Variants in ADAM23 observed in about 807,000 individuals in gnomAD.
The protein encoded by ADAM23 is disintegrin and metalloproteinase domain-containing protein 23.
In ADAM23, 33 loss-of-function variants were observed where a neutral mutation model predicts 120.1. That is an observed-to-expected ratio of 0.27 (90% CI 0.21 to 0.37). ADAM23 has a LOEUF of 0.37. Among genes scored for constraint, ADAM23 ranks in the 10% least tolerant of loss-of-function variants. The pLI is 1.00. For synonymous variants in ADAM23, 367 were observed against 375.2 expected, an observed-to-expected ratio of 0.98 and a Z score of 0.25; for missense variants, 862 against 1,058.2, an observed-to-expected ratio of 0.81 and a Z score of 2.57.
At chr2:206,515,067 G>A (rs1696701859) in intron 3 of ADAM23, among the ~76,000 whole-genome samples, 1 of 152,150 alleles carries the variant, frequency 6.6e-6, no homozygotes, top group Non-Finnish European at 1.5e-5. Flanking sequence ...AGGTATGCCT[G>A]TATCTCAGTA....
At chr2:206,467,762 AG>A (rs1185616010) in intron 2 of ADAM23, among the ~76,000 whole-genome samples, 1 of 152,168 alleles carries the variant, frequency 6.6e-6, no homozygotes, top group Non-Finnish European at 1.5e-5. Context: ...CTTCCCTACT[AG>A]AGGTTCTCCA....
At position 206,478,332 on chromosome 2, in the gene ADAM23, T is replaced by C. The variant is rs59216372; in HGVS notation, c.433-2900T>C. ...ATGAATATGGTGAGGAAATCTTAAA[T>C]CATTTTATAGAAAATGTGCTTCCTC... On this transcript the variant is annotated intron_variant, in intron 2 of 25. Transcript: ENST00000264377. Among the ~76,000 whole-genome samples, 1,007 of 152,262 alleles carry C rather than the reference T, an allele frequency of 6.6e-3. 8 individuals are homozygous for C. The highest frequency in any genetic ancestry group is 0.023 in the African/African-American group (954 of 41,568).
chr2:206,543,228 C>T, intron 5 of ADAM23, 25 bp from the exon 6 acceptor site: 6 of 1,609,876 alleles, frequency 3.7e-6, no homozygotes, highest in Non-Finnish European at 5.1e-6. Context: ...TTATTCCCTC[C>T]TTTGTGTGGT....
Position 206,617,808 on chromosome 2 carries a change from C to G in ADAM23, c.*181C>G. On this transcript the variant is annotated 3_prime_UTR_variant, in exon 26 of 26. Coordinates refer to ENST00000264377, the MANE Select transcript of ADAM23 (RefSeq NM_003812.4). The stretch of plus-strand genomic sequence containing the variant: ...AAACTGTCTCTTTTGGAAATAATGT[C>G]AAAGAACACCTTTCACCACCTGTCA... 2 of 1,304,956 alleles carry G rather than the reference C, an allele frequency of 1.5e-6. No homozygotes were observed. The highest frequency in any genetic ancestry group is 5.5e-5 in the Admixed American group (2 of 36,184). The allele number at this position is 1,304,956 out of a possible 1,614,324, so 80.8% of individuals were successfully genotyped here.
intron 22 of ADAM23, among the ~76,000 whole-genome samples, chr2:206,593,810 C>T (rs1330251269): frequency 2.6e-5 from 4 of 151,860 alleles, no homozygotes; most frequent in Non-Finnish European, 5.9e-5. Context: ...CATTCAAATT[C>T]AAATTATACC....
intron 3 of ADAM23, among the ~76,000 whole-genome samples, chr2:206,524,690 A>C (rs189098577): frequency 4.0e-4 from 61 of 152,302 alleles, no homozygotes; most frequent in Middle Eastern, 3.4e-3. Flanking sequence ...AAAACATCAG[A>C]TCTCGTGAGA....
chr2:206,590,400 A>G (rs1045890091), intron 21 of ADAM23, among the ~76,000 whole-genome samples: 1 of 152,066 alleles, frequency 6.6e-6, no homozygotes, highest in Non-Finnish European at 1.5e-5. Context: ...GTCCAGCCTG[A>G]TATTTATTTG....
intron 2 of ADAM23, among the ~76,000 whole-genome samples, chr2:206,452,301 G>A (rs1414490675): frequency 6.6e-6 from 1 of 152,180 alleles, no homozygotes; most frequent in South Asian, 2.1e-4. Flanking sequence ...ATCCTGGTTT[G>A]GTCCAACTGC....
intron 18 of ADAM23, among the ~76,000 whole-genome samples, chr2:206,576,173 G>A (rs1002232028): frequency 3.3e-5 from 5 of 152,040 alleles, no homozygotes; most frequent in African/African-American, 1.2e-4. Context: ...TAGGTTCTGT[G>A]TTTAATGACG....
intron 2 of ADAM23, among the ~76,000 whole-genome samples, chr2:206,467,269 C>G (rs1334901111): frequency 6.6e-6 from 1 of 152,198 alleles, no homozygotes; most frequent in Non-Finnish European, 1.5e-5. Context: ...AAAGTCTTTT[C>G]TGAGATAACG....
At chr2:206,561,262 C>T (rs1697758791) in intron 12 of ADAM23, 50 bp downstream of exon 12, 1 of 1,490,110 alleles carries the variant, frequency 6.7e-7, no homozygotes, top group East Asian at 2.3e-5. Context: ...CTCTTTTTTC[C>T]CTATGGCCCA....
intron 4 of ADAM23, among the ~76,000 whole-genome samples, chr2:206,538,741 A>G (rs1697232177): frequency 6.6e-6 from 1 of 152,192 alleles, no homozygotes; most frequent in Non-Finnish European, 1.5e-5. Context: ...GAGTAGAATC[A>G]AACAGTTCCT....
chr2:206,452,953 G>T (rs1041149565), intron 2 of ADAM23, among the ~76,000 whole-genome samples: 1 of 152,106 alleles, frequency 6.6e-6, no homozygotes, highest in East Asian at 1.9e-4. Context: ...CAATCCATCA[G>T]TCCCACTGCT....
chr2:206,527,702 C>T (rs1328180074), intron 3 of ADAM23, among the ~76,000 whole-genome samples: 11 of 152,150 alleles, frequency 7.2e-5, no homozygotes. Flanking sequence ...GCCTACTATG[C>T]ATTAGGCATT....
chr2:206,555,171 A>G (rs918446829), intron 9 of ADAM23, among the ~76,000 whole-genome samples: 4 of 152,136 alleles, frequency 2.6e-5, no homozygotes, highest in African/African-American at 9.7e-5. Flanking sequence ...GTGCTCATAT[A>G]CAGAACTGCC....
chr2:206,538,787 T>C (rs1248125856), intron 4 of ADAM23, among the ~76,000 whole-genome samples: 2 of 152,188 alleles, frequency 1.3e-5, no homozygotes, highest in Admixed American at 6.5e-5. Flanking sequence ...TCATTATTAT[T>C]TTTTATAGAG....
Position 206,526,154 on chromosome 2 carries a change from A to ACG in ADAM23, c.510-4730_510-4729insGC, listed in dbSNP as rs1337706885. Among the ~76,000 whole-genome samples, 131 of 150,226 alleles carry ACG rather than the reference A, an allele frequency of 8.7e-4. 4 individuals carry two copies. In the East Asian group the frequency reaches 0.024, roughly 28 times the overall value. ...GATTCCAACAAATACACACACACAC[A>ACG]CACACACACACACACACACACACAC... On this transcript the variant is annotated intron_variant, in intron 3 of 25. Coordinates refer to ENST00000264377, the MANE Select transcript of ADAM23 (RefSeq NM_003812.4).
chr2:206,449,711 G>A (rs929494799), intron 2 of ADAM23, among the ~76,000 whole-genome samples: 10 of 152,250 alleles, frequency 6.6e-5, no homozygotes, highest in African/African-American at 1.9e-4. Context: ...CGGAGGTTGC[G>A]GTGAGCGTCA....
At position 206,575,130 on chromosome 2, in the gene ADAM23, G is replaced by C. The variant is rs567736162; in HGVS notation, c.1737+1935G>C. On this transcript the variant is annotated intron_variant, in intron 18 of 25. Coordinates refer to ENST00000264377, the MANE Select transcript of ADAM23 (RefSeq NM_003812.4). ...CTGGAGGACATGGCATGGAAGCAGA[G>C]ACACAAATAAGAAGGAGCTTGTCAG... 5.9e-5 allele frequency among the ~76,000 whole-genome samples: 9 copies of C among 152,264 alleles called. No homozygotes were observed. In the Middle Eastern group the frequency reaches 0.014, roughly 230 times the overall value.
Sources: gnomAD v4.1 joint callset for allele counts (sites outside exome capture counted in the v4.1 genomes callset) on GRCh38, gnomAD v4.1.1 for gene constraint, MANE v1.5 for transcripts, NCBI Gene and HGNC (gene_info 2026-07-23, HGNC 2026-07-21) for gene names.